Variants in IQCK observed in about 807,000 individuals in gnomAD.
IQCK encodes IQ domain-containing protein K.
In IQCK, 29 loss-of-function variants were observed where a neutral mutation model predicts 28.1. That is an observed-to-expected ratio of 1.03 (90% CI 0.77 to 1.41). The LOEUF is 1.41. Ranked by LOEUF, IQCK falls within the 40% of genes most tolerant of loss-of-function variation. IQCK has a pLI of 0.00. For missense variants in IQCK, 359 were observed against 314.7 expected, an observed-to-expected ratio of 1.14 and a Z score of -1.07; for synonymous variants, 113 against 115.1, an observed-to-expected ratio of 0.98 and a Z score of 0.12.
rs2151734642 is a variant in IQCK at position 19,792,953 on chromosome 16, C to T, written c.690+4031C>T. ...TTAAAAGTGAACTTAAACCAGAGATCATCTCAATGGATATAGAAAATGCAT... is the reference window on the plus strand; with the variant it reads ...TTAAAAGTGAACTTAAACCAGAGATTATCTCAATGGATATAGAAAATGCAT... On this transcript the variant is annotated intron_variant, in intron 7 of 7. Transcript: ENST00000564186. Among the ~76,000 whole-genome samples the T allele has an allele frequency of 1.7e-5, 2 of 115,432 alleles. 1 individual carries two copies. Among genetic ancestry groups the T allele is most frequent in the East Asian group, 4.3e-4 (2 of 4,660 alleles). The allele number at this position is 115,432 out of a possible 152,430, so 75.7% of individuals were successfully genotyped here. A position where few individuals can be genotyped will look rare whatever the true frequency, so the allele number is the denominator to read the frequency against.
At chr16:19,851,003 A>T (rs1056762282) in intron 9 of IQCK, among the ~76,000 whole-genome samples, 1 of 152,174 alleles carries the variant, frequency 6.6e-6, no homozygotes, top group African/African-American at 2.4e-5. Flanking sequence ...CAGCCTGGGT[A>T]ACAGAGCGAG....
chr16:19,856,336 T>C (rs547181694), intron 9 of IQCK, 151 bp from the exon 9 acceptor site: 1 of 638,446 alleles, frequency 1.6e-6, no homozygotes, highest in African/African-American at 1.8e-5. Flanking sequence ...TTCTTCCCCG[T>C]GGATCCATGG....
chr16:19,785,869 C>T (rs2151730503), intron 6 of IQCK, among the ~76,000 whole-genome samples: 1 of 152,280 alleles, frequency 6.6e-6, no homozygotes, highest in South Asian at 2.1e-4. Flanking sequence ...CAATAAATCC[C>T]TGCTTTTGTT....
At chr16:19,744,022 A>G (rs2054872586) in intron 4 of IQCK, among the ~76,000 whole-genome samples, 1 of 152,140 alleles carries the variant, frequency 6.6e-6, no homozygotes, top group Admixed American at 6.5e-5. Context: ...GTCTGCACAC[A>G]TGAATTCAGG....
In IQCK at chr16:19,733,971, T is replaced by C. The variant is rs1977924379; in HGVS notation, c.376+144T>C. ...GTTCTTGTTTTATTTTTAAGAGACA[T>C]GTCCTTTATTTCACTGATTTATCTT... On this transcript the variant is annotated intron_variant, in intron 3 of 7. Transcript: ENST00000564186. The C allele has an allele frequency of 2.6e-5, 18 of 705,552 alleles. 1 individual carries two copies. In the South Asian group the frequency reaches 4.2e-4, roughly 16 times the overall value. 43.7% of individuals were successfully genotyped at this position (705,552 alleles called of 1,614,324 possible). A position where few individuals can be genotyped will look rare whatever the true frequency, so the allele number is the denominator to read the frequency against.
intron 4 of IQCK, among the ~76,000 whole-genome samples, chr16:19,755,998 C>T (rs2055046517): frequency 6.6e-6 from 1 of 152,170 alleles, no homozygotes; most frequent in Non-Finnish European, 1.5e-5. Context: ...GCCCAAGCAA[C>T]ATAGCAAGAC....
intron 9 of IQCK, among the ~76,000 whole-genome samples, chr16:19,850,799 G>A (rs1332336212): frequency 6.6e-6 from 1 of 152,108 alleles, no homozygotes; most frequent in East Asian, 1.9e-4. Flanking sequence ...AGGACTGCTT[G>A]AGCCCAGGAG....
At chr16:19,823,399 A>G (rs1417299600) in intron 7 of IQCK, among the ~76,000 whole-genome samples, 2 of 152,076 alleles carry the variant, frequency 1.3e-5, no homozygotes, top group Non-Finnish European at 2.9e-5. Flanking sequence ...TTTCTGCTTC[A>G]GTGTGCCCTG....
intron 2 of IQCK, among the ~76,000 whole-genome samples, chr16:19,732,402 G>A (rs1009472504): frequency 4.6e-5 from 7 of 152,188 alleles, no homozygotes; most frequent in African/African-American, 1.7e-4. Flanking sequence ...TTGTCCACTG[G>A]CCGACTTTTC....
intron 4 of IQCK, among the ~76,000 whole-genome samples, chr16:19,759,318 C>T (rs1377965940): frequency 6.6e-6 from 1 of 152,138 alleles, no homozygotes. Flanking sequence ...AAGCGATTCT[C>T]CTCTCTCAGC....
intron 4 of IQCK, chr16:19,735,892 TC>T (rs1977998632): frequency 2.9e-6 from 1 of 344,820 alleles, no homozygotes. Flanking sequence ...GAGACCCCCA[TC>T]TCTAAAAAAA....
At chr16:19,820,132 A>C (rs1239077135) in intron 7 of IQCK, among the ~76,000 whole-genome samples, 1 of 152,218 alleles carries the variant, frequency 6.6e-6, no homozygotes, top group Admixed American at 6.5e-5. Flanking sequence ...CTTAGAAGAA[A>C]ACATAGGGAT....
At chr16:19,847,532 T>C (rs1166609994) in intron 9 of IQCK, among the ~76,000 whole-genome samples, 2 of 152,224 alleles carry the variant, frequency 1.3e-5, no homozygotes, top group African/African-American at 4.8e-5. Context: ...CCTTTCACCA[T>C]AGAGTAGTTT....
At chr16:19,819,376 CCAG>C (rs1243915407) in intron 7 of IQCK, 3 of 151,994 alleles carry the variant, frequency 2.0e-5, no homozygotes, top group African/African-American at 7.3e-5. Flanking sequence ...GCCTGTAGTC[CCAG>C]CTACTCAGAA....
chr16:19,827,669 C>T (rs182840014), downstream of IQCK, among the ~76,000 whole-genome samples: 18 of 152,280 alleles, frequency 1.2e-4, no homozygotes, highest in East Asian at 3.5e-3. Context: ...GATGGACCTC[C>T]CTAATGGGCT....
At chr16:19,817,086 G>A (rs563386356) in intron 7 of IQCK, among the ~76,000 whole-genome samples, 4 of 152,102 alleles carry the variant, frequency 2.6e-5, no homozygotes, top group African/African-American at 9.6e-5. Context: ...CTATAATTAG[G>A]AGAATCTGAT....
In IQCK at chr16:19,754,564, C is replaced by G. The variant is rs74013822; in HGVS notation, c.475-9284C>G. Among the ~76,000 whole-genome samples, 1,272 of 152,164 alleles carry G rather than the reference C, an allele frequency of 8.4e-3. 21 individuals are homozygous for G. The highest frequency in any genetic ancestry group is 0.029 in the African/African-American group (1,203 of 41,500). On this transcript the variant is annotated intron_variant, in intron 4 of 7. Coordinates refer to ENST00000564186, the Ensembl canonical transcript of IQCK. ...AACTGTTTCTAACTCCTGACAAGTTCTTTGATGATCTCACGACACAAAAAT... is the reference window on the plus strand; with the variant it reads ...AACTGTTTCTAACTCCTGACAAGTTGTTTGATGATCTCACGACACAAAAAT...
rs1555519987 is a variant in IQCK, at chr16:19,799,640, A to ACCC, written c.690+10719_690+10721dup. ...CACACACACACACACACACACACACACCCAGTGAATACATTGAGTCATAAC... is the reference window on the plus strand; with the variant it reads ...CACACACACACACACACACACACACACCCCCCAGTGAATACATTGAGTCATAAC... On this transcript the variant is annotated intron_variant, in intron 7 of 7. Coordinates refer to ENST00000564186, the Ensembl canonical transcript of IQCK. Among the ~76,000 whole-genome samples, 405 of 111,808 alleles carry ACCC rather than the reference A, an allele frequency of 3.6e-3. 51 individuals are homozygous for ACCC. Among genetic ancestry groups the ACCC allele is most frequent in the African/African-American group, 0.018 (385 of 21,708 alleles). The allele number at this position is 111,808 out of a possible 152,430, so 73.4% of individuals were successfully genotyped here. A position where few individuals can be genotyped will look rare whatever the true frequency, so the allele number is the denominator to read the frequency against.
intron 6 of IQCK, among the ~76,000 whole-genome samples, chr16:19,779,723 A>AT (rs2055448981): frequency 2.7e-5 from 4 of 149,646 alleles, no homozygotes; most frequent in South Asian, 2.1e-4. Flanking sequence ...TTATTTATTT[A>AT]TTTATTTTTT....
Sources: gnomAD v4.1 joint callset for allele counts (sites outside exome capture counted in the v4.1 genomes callset) on GRCh38, gnomAD v4.1.1 for gene constraint, MANE v1.5 for transcripts, NCBI Gene and HGNC (gene_info 2026-07-23, HGNC 2026-07-21) for gene names.